The following ZFP30 variants were observed in gnomAD, a reference collection of about 807,000 sequenced individuals.
ZFP30 encodes the protein zinc finger protein 30 homolog.
ZFP30 carries 16 observed loss-of-function variants against 12.3 expected under a neutral mutation model. The ratio of observed to expected loss-of-function variants is 1.30; its 90% CI spans 0.88 to 1.98. The LOEUF is 1.98. Among genes scored for constraint, ZFP30 ranks in the 30% most tolerant of loss-of-function variants. ZFP30 has a pLI of 0.00. For synonymous variants in ZFP30, 172 were observed against 201.0 expected (o/e 0.86, Z 1.22); for missense variants, 560 against 611.2 (o/e 0.92, Z 0.88).
Position 37,635,127 on chromosome 19 carries a change from C to T in ZFP30, c.1414G>A (p.Gly472Arg). ...GATGAATGAAGTCTAAAGGCCTTTCCACATTCCTTACAGTCATAGGGCTTT... is the reference window on the plus strand; with the variant it reads ...GATGAATGAAGTCTAAAGGCCTTTCTACATTCCTTACAGTCATAGGGCTTT... ...GEKPYDCKEC[G>R]KAFRLHSSLI... The change falls in exon 6 of 6, where the codon GGA becomes AGA. Residue 472 changes from glycine to arginine, a missense_variant. Transcript: ENST00000684514. 1 of 1,613,342 alleles carries T rather than the reference C, an allele frequency of 6.2e-7. No individual in the cohort carries two copies. The highest frequency in any genetic ancestry group is 8.5e-7 in the Non-Finnish European group (1 of 1,179,664).
At position 37,633,981 on chromosome 19, in the gene ZFP30, C is replaced by G. The variant is rs2147250475; in HGVS notation, c.*1000G>C. On this transcript the variant is annotated 3_prime_UTR_variant, in exon 6 of 6. Coordinates refer to ENST00000684514, the MANE Select transcript of ZFP30 (RefSeq NM_001320669.3). ...GTTTCTTAATATTATCTAATATTGT[C>G]AATATTCCATTCTCCCAATTATTGT... 2 of 152,268 alleles carry G rather than the reference C, an allele frequency of 1.3e-5. No homozygotes were observed. The highest frequency in any genetic ancestry group is 3.9e-4 in the East Asian group (2 of 5,182). The allele number at this position is 152,268 out of a possible 1,614,324, so 9.4% of individuals were successfully genotyped here. A position where few individuals can be genotyped will look rare whatever the true frequency, so the allele number is the denominator to read the frequency against.
At position 37,635,094 on chromosome 19, in the gene ZFP30, G is replaced by T. The variant is rs775454375; in HGVS notation, c.1447C>A (p.Gln483Lys). Residue 483 changes from glutamine (Q) to lysine (K), a missense_variant, in exon 6 of 6, where the codon CAA (glutamine) becomes AAA (lysine). Gln to Lys is a moderately conservative substitution (Grantham distance 53, BLOSUM62 1). Coordinates refer to ENST00000684514, the MANE Select transcript of ZFP30 (RefSeq NM_001320669.3). ...KAFRLHSSLIQHQRIHSGEKP... is the reference protein window; with the variant it reads ...KAFRLHSSLIKHQRIHSGEKP... ...TCACCAGAATGAATTCTCTGATGTT[G>T]AATCAGTGATGAATGAAGTCTAAAG... 6.2e-7 allele frequency: 1 copy of T among 1,613,560 alleles called. No homozygotes were observed. The highest frequency in any genetic ancestry group is 8.5e-7 in the Non-Finnish European group (1 of 1,179,762).
intron 5 of ZFP30, among the ~76,000 whole-genome samples, chr19:37,638,480 T>C (rs2044372741): frequency 6.6e-6 from 1 of 152,200 alleles, no homozygotes; most frequent in Admixed American, 6.5e-5. Context: ...TCAATACTCT[T>C]CAAAAAGGAA....
At position 37,635,811 on chromosome 19, in the gene ZFP30, A is replaced by C. The variant is rs869312869; in HGVS notation, c.730T>G (p.Cys244Gly). The change falls in exon 6 of 6, where the codon TGT (cysteine) becomes GGT (glycine). Residue 244 changes from cysteine (C) to glycine (G), a missense_variant. Coordinates refer to ENST00000684514, the MANE Select transcript of ZFP30 (RefSeq NM_001320669.3). ...RIHIGEKPYE[C>G]KECGKAFRVR... is the part of the protein sequence containing the mutation. ...CTAAAGGCTTTCCCACATTCTTTAC[A>C]TTCATACGGCTTCTCACCAATATGA... The C allele has an allele frequency of 6.2e-7, 1 of 1,614,078 alleles. No individual in the cohort carries two copies. The highest frequency in any genetic ancestry group is 1.7e-5 in the Admixed American group (1 of 60,002).
intron 5 of ZFP30, among the ~76,000 whole-genome samples, chr19:37,641,240 A>G (rs1426923121): frequency 1.3e-5 from 2 of 152,158 alleles, no homozygotes; most frequent in Non-Finnish European, 2.9e-5. Flanking sequence ...TCTCTACTTC[A>G]TCAATGTTCC....
intron 5 of ZFP30, among the ~76,000 whole-genome samples, chr19:37,639,577 C>T (rs902234951): frequency 6.6e-6 from 1 of 151,902 alleles, no homozygotes; most frequent in Non-Finnish European, 1.5e-5. Context: ...TGTAATGAGA[C>T]CCCAATCTCG....
rs1342125973 is a variant in ZFP30 at position 37,635,337 on chromosome 19, CCT to C, written c.1202_1203del (p.Gln401ArgfsTer10). The C allele has an allele frequency of 6.2e-7, 1 of 1,605,990 alleles. No homozygotes were observed. The highest frequency in any genetic ancestry group is 1.7e-5 in the Admixed American group (1 of 58,876). On this transcript the variant is annotated frameshift_variant, in exon 6 of 6. Coordinates refer to ENST00000684514, the MANE Select transcript of ZFP30 (RefSeq NM_001320669.3). LOFTEE classifies it low-confidence loss of function (END_TRUNC). The stretch of plus-strand genomic sequence containing the variant: ...TAAGGTTTCTCTCCAATGTGAATAC[CCT>C]GATGTGAAATAAGTTCTGAGTAACG... ...FRRYSELISH[Q>X]GIHIGEKPYE...
intron 5 of ZFP30, among the ~76,000 whole-genome samples, chr19:37,639,798 T>TA (rs36102656): frequency 0.73 from 108,391 of 148,826 alleles, 40,011 homozygotes; most frequent in Non-Finnish European, 0.82. Context: ...AAGGTTTTCA[T>TA]AAAAAAAAAA....
chr19:37,643,416 A>G (rs2147272007), intron 4 of ZFP30, 53 bp from the exon 5 acceptor site: 3 of 1,296,194 alleles, frequency 2.3e-6, no homozygotes, highest in Non-Finnish European at 3.1e-6. Context: ...GCTTCAAAAC[A>G]AAGAAGACTA....
At chr19:37,636,452 G>A in intron 5 of ZFP30, 147 bp from the exon 6 acceptor site, 1 of 845,564 alleles carries the variant, frequency 1.2e-6, no homozygotes, top group Non-Finnish European at 1.7e-6. Context: ...CTCTAAAATA[G>A]GTAATTTAAA....
chr19:37,642,326 TGTTA>T (rs767331201), intron 5 of ZFP30, among the ~76,000 whole-genome samples: 13 of 152,356 alleles, frequency 8.5e-5, no homozygotes, highest in South Asian at 2.1e-4. Flanking sequence ...AATAATTTGC[TGTTA>T]GTATCAAGAA....
intron 5 of ZFP30, among the ~76,000 whole-genome samples, chr19:37,638,807 G>C (rs1025393194): frequency 1.6e-4 from 24 of 152,174 alleles, no homozygotes; most frequent in African/African-American, 5.5e-4. Context: ...TGTCAGGACA[G>C]TGGTTAGTCT....
chr19:37,637,702 G>A (rs1454900611), intron 5 of ZFP30, among the ~76,000 whole-genome samples: 1 of 151,956 alleles, frequency 6.6e-6, no homozygotes, highest in Non-Finnish European at 1.5e-5. Flanking sequence ...TGGCCAGGCT[G>A]ATCTCGAACT....
In ZFP30 at chr19:37,631,484, C is replaced by T. The variant is rs1311056800; in HGVS notation, c.*3497G>A. Reference sequence around the variant, plus strand: ...AGAAATGGAATATAATGATGTAATACACTGAACATCATGGCTTCCCAATTA... The same window carrying T: ...AGAAATGGAATATAATGATGTAATATACTGAACATCATGGCTTCCCAATTA... On this transcript the variant is annotated 3_prime_UTR_variant, in exon 6 of 6. Coordinates refer to ENST00000684514, the MANE Select transcript of ZFP30 (RefSeq NM_001320669.3). 6.6e-6 allele frequency: 1 copy of T among 151,992 alleles called. No homozygotes were observed. The highest frequency in any genetic ancestry group is 6.6e-5 in the Admixed American group (1 of 15,264). The allele number at this position is 151,992 out of a possible 1,614,324, so 9.4% of individuals were successfully genotyped here.
intron 2 of ZFP30, among the ~76,000 whole-genome samples, chr19:37,653,164 A>G (rs1384342533): frequency 6.6e-6 from 1 of 152,044 alleles, no homozygotes; most frequent in Non-Finnish European, 1.5e-5. Flanking sequence ...GTGATTAAAC[A>G]GGCCCTGCAT....
chr19:37,644,561 T>G, intron 4 of ZFP30, 49 bp downstream of exon 4: 1 of 1,473,816 alleles, frequency 6.8e-7, no homozygotes, highest in Non-Finnish European at 9.0e-7. Flanking sequence ...GCCCAGAAAT[T>G]CAGTCCTGTG....
At chr19:37,651,896 TAAGGA>T (rs1440938339) in intron 2 of ZFP30, among the ~76,000 whole-genome samples, 1 of 151,372 alleles carries the variant, frequency 6.6e-6, no homozygotes, top group Non-Finnish European at 1.5e-5. Context: ...AGAAAACAGT[TAAGGA>T]AAGGAAAATA....
intron 5 of ZFP30, among the ~76,000 whole-genome samples, chr19:37,638,578 G>C (rs918217277): frequency 6.6e-6 from 1 of 152,174 alleles, no homozygotes. Flanking sequence ...ACTGGAAAGA[G>C]TCCAAGTGTT....
chr19:37,635,057 T>G lies in ZFP30; in HGVS notation c.1484A>C (p.Lys495Thr), dbSNP rs568353124. 4.3e-6 allele frequency: 7 copies of G among 1,609,820 alleles called. No homozygotes were observed. The Admixed American group carries it at 5.1e-5, about 12-fold the overall frequency. The change falls in exon 6 of 6, where the codon AAA becomes ACA. Residue 495 changes from lysine to threonine, a missense_variant. By Grantham distance (78) the Lys-to-Thr change is moderately conservative (BLOSUM62 -1). Transcript: ENST00000684514. ...QRIHSGEKPY[K>T]CKECKKAFRQ... ...AAATGCCTTTTTACATTCCTTACATTTGTATGGTTTCTCACCAGAATGAAT... is the reference window on the plus strand; with the variant it reads ...AAATGCCTTTTTACATTCCTTACATGTGTATGGTTTCTCACCAGAATGAAT...
Sources: allele counts gnomAD v4.1 joint callset (sites outside exome capture counted in the v4.1 genomes callset), GRCh38; gene constraint gnomAD v4.1.1; transcripts MANE v1.5; gene names NCBI Gene and HGNC (gene_info 2026-07-23, HGNC 2026-07-21).